Variants in ESRRG observed in about 807,000 individuals in gnomAD.
ESRRG encodes the protein estrogen-related receptor gamma.
Under a neutral mutation model 44.0 loss-of-function variants are expected in ESRRG, and 13 were observed. That is an observed-to-expected ratio of 0.30 (90% CI 0.19 to 0.47). The LOEUF (loss-of-function observed/expected upper bound fraction) is 0.47, where lower values mean the gene tolerates loss of function less well. Ranked by LOEUF, ESRRG falls within the 20% of genes least tolerant of loss-of-function variation. ESRRG has a pLI of 1.00. For synonymous variants in ESRRG, 215 were observed against 214.6 expected, an observed-to-expected ratio of 1.00 and a Z score of -0.02; for missense variants, 395 against 580.6, an observed-to-expected ratio of 0.68 and a Z score of 3.29.
At chr1:216,561,885 A>G (rs2058813326) in intron 5 of ESRRG, among the ~76,000 whole-genome samples, 2 of 152,242 alleles carry the variant, frequency 1.3e-5, no homozygotes, top group South Asian at 4.1e-4. Flanking sequence ...GTCCCCACCA[A>G]TTCTAAGCCT....
chr1:217,092,786 T>G (rs556947398), upstream of ESRRG, among the ~76,000 whole-genome samples: 1 of 152,350 alleles, frequency 6.6e-6, no homozygotes, highest in African/African-American at 2.4e-5. Flanking sequence ...TTAAATACCT[T>G]CTGATGCATT....
intron 1 of ESRRG, among the ~76,000 whole-genome samples, chr1:216,698,603 CT>C (rs923328454): frequency 6.6e-6 from 1 of 151,340 alleles, no homozygotes; most frequent in African/African-American, 2.4e-5. Flanking sequence ...AACTAAGCCT[CT>C]TTTTTTATGG....
At chr1:216,860,872 T>G (rs969193447) in intron 2 of ESRRG, among the ~76,000 whole-genome samples, 1 of 152,104 alleles carries the variant, frequency 6.6e-6, no homozygotes, top group Non-Finnish European at 1.5e-5. Flanking sequence ...TCTTTAACAA[T>G]GTACTGTTTA....
At chr1:216,681,927 G>A (rs138298993) in intron 1 of ESRRG, 3 of 152,158 alleles carry the variant, frequency 2.0e-5, no homozygotes, top group Admixed American at 6.5e-5. Context: ...TGAATGAACC[G>A]TCAGGAGTTT....
intron 2 of ESRRG, among the ~76,000 whole-genome samples, chr1:216,910,948 G>A (rs1014392491): frequency 1.3e-5 from 2 of 152,096 alleles, no homozygotes; most frequent in Non-Finnish European, 2.9e-5. Context: ...ATAAACGTTA[G>A]GTCCATACAT....
intron 2 of ESRRG, among the ~76,000 whole-genome samples, chr1:216,897,525 TA>T (rs1257297643): frequency 6.6e-6 from 1 of 152,174 alleles, no homozygotes; most frequent in East Asian, 1.9e-4. Context: ...CAAACAGACT[TA>T]CAACCCATTT....
At chr1:216,842,738 G>T (rs2095671544) in intron 2 of ESRRG, among the ~76,000 whole-genome samples, 1 of 152,166 alleles carries the variant, frequency 6.6e-6, no homozygotes, top group Admixed American at 6.5e-5. Context: ...TGGCAGGAAA[G>T]CAATACTACT....
intron 2 of ESRRG, among the ~76,000 whole-genome samples, chr1:216,743,910 T>C (rs929058813): frequency 2.0e-5 from 3 of 152,216 alleles, no homozygotes; most frequent in African/African-American, 7.2e-5. Context: ...CTTGCAGAAA[T>C]AATTCTAATC....
intron 1 of ESRRG, among the ~76,000 whole-genome samples, chr1:217,127,249 T>G (rs879634722): frequency 2.6e-5 from 4 of 152,214 alleles, no homozygotes; most frequent in Non-Finnish European, 4.4e-5. Context: ...ATTTTCTATG[T>G]TTATTATTGC....
At position 216,926,247 on chromosome 1, in the gene ESRRG, G is replaced by A. The variant is rs566034535; in HGVS notation, c.-14+13335C>T. On this transcript the variant is annotated intron_variant, in intron 2 of 7. Transcript: ENST00000359162. ...GGGAAACACCAGATCAGATGAATTT[G>A]GCCAGGTGCTCTAAGGGACACACCA... Among the ~76,000 whole-genome samples, 10 of 152,240 alleles carry A rather than the reference G, an allele frequency of 6.6e-5. No homozygotes were observed. The South Asian group carries it at 2.1e-3, about 32-fold the overall frequency.
intron 2 of ESRRG, among the ~76,000 whole-genome samples, chr1:216,921,285 T>C (rs1460825792): frequency 6.6e-6 from 1 of 152,136 alleles, no homozygotes; most frequent in Non-Finnish European, 1.5e-5. Flanking sequence ...ATGGTGACTT[T>C]TTTCAAGTAC....
At chr1:216,982,984 T>A (rs2150406049) in intron 1 of ESRRG, among the ~76,000 whole-genome samples, 1 of 150,834 alleles carries the variant, frequency 6.6e-6, no homozygotes, top group South Asian at 2.1e-4. Flanking sequence ...GGTCCGGGAG[T>A]CAGACCATCT....
chr1:217,057,744 T>C (rs1397542015), intron 1 of ESRRG, among the ~76,000 whole-genome samples: 1 of 152,202 alleles, frequency 6.6e-6, no homozygotes, highest in Admixed American at 6.5e-5. Flanking sequence ...TCACAGCCTG[T>C]GGGCTGCATG....
At chr1:216,561,790 C>T (rs2058793427) in intron 5 of ESRRG, among the ~76,000 whole-genome samples, 3 of 152,112 alleles carry the variant, frequency 2.0e-5, no homozygotes, top group Admixed American at 2.0e-4. Flanking sequence ...TTACAACACC[C>T]TCAGGTATCA....
chr1:216,519,829 G>GAAAA (rs1558227299), intron 5 of ESRRG, among the ~76,000 whole-genome samples: 1 of 141,774 alleles, frequency 7.1e-6, no homozygotes, highest in Non-Finnish European at 1.5e-5. Flanking sequence ...AAAAAAAAAA[G>GAAAA]AAGAAGAAGG....
intron 6 of ESRRG, among the ~76,000 whole-genome samples, chr1:216,514,967 C>T (rs563043214): frequency 3.4e-4 from 52 of 151,556 alleles, no homozygotes; most frequent in South Asian, 2.7e-3. Context: ...TATACACACA[C>T]ACACACACAC....
chr1:216,979,644 T>C (rs1257741832), intron 1 of ESRRG, among the ~76,000 whole-genome samples: 1 of 152,018 alleles, frequency 6.6e-6, no homozygotes, highest in Non-Finnish European at 1.5e-5. Context: ...ATCTATAAAA[T>C]GGGAATGATA....
intron 1 of ESRRG, among the ~76,000 whole-genome samples, chr1:216,974,663 T>C: frequency 6.6e-6 from 1 of 152,226 alleles, no homozygotes; most frequent in East Asian, 1.9e-4. Context: ...GATCTATTTT[T>C]ATTTCTGCTC....
intron 1 of ESRRG, among the ~76,000 whole-genome samples, chr1:217,006,026 A>T (rs1467811516): frequency 6.6e-6 from 1 of 152,132 alleles, no homozygotes; most frequent in African/African-American, 2.4e-5. Flanking sequence ...ATTAACTAAC[A>T]CAACTGAGTC....
Sources: allele counts gnomAD v4.1 joint callset (sites outside exome capture counted in the v4.1 genomes callset), GRCh38; gene constraint gnomAD v4.1.1; transcripts MANE v1.5; gene names NCBI Gene and HGNC (gene_info 2026-07-23, HGNC 2026-07-21).